Variants in SLC29A2 observed in about 807,000 individuals in gnomAD.
SLC29A2 encodes equilibrative nucleoside transporter 2.
In SLC29A2, 37 loss-of-function variants were observed where a neutral mutation model predicts 48.8. The ratio of observed to expected loss-of-function variants is 0.76; its 90% CI spans 0.58 to 1.00. SLC29A2 has a LOEUF of 1.00. Ranked by LOEUF, SLC29A2 falls within the 50% of genes least tolerant of loss-of-function variation. SLC29A2 has a pLI of 0.00. For synonymous variants in SLC29A2, 233 were observed against 261.7 expected (o/e 0.89, Z 1.06); for missense variants, 533 against 578.6 (o/e 0.92, Z 0.81).
chr11:66,365,509 T>G (rs1855634636), intron 10 of SLC29A2, among the ~76,000 whole-genome samples: 1 of 152,260 alleles, frequency 6.6e-6, no homozygotes, highest in Non-Finnish European at 1.5e-5. Context: ...TGAGTGGGAT[T>G]GGAAGCTGTA....
chr11:66,366,791 A>G (rs1855724449), intron 7 of SLC29A2, among the ~76,000 whole-genome samples: 1 of 152,162 alleles, frequency 6.6e-6, no homozygotes, highest in South Asian at 2.1e-4. Context: ...TTCTACAAAA[A>G]TAAAAAAATT....
intron 6 of SLC29A2, 59 bp from the exon 7 acceptor site, chr11:66,367,607 TC>T: frequency 2.5e-6 from 4 of 1,576,892 alleles, no homozygotes; most frequent in South Asian, 1.1e-5. Context: ...TCTGGATCCC[TC>T]CCCATACCAT....
chr11:66,367,917 C>T lies in SLC29A2; in HGVS notation c.551-48G>A, dbSNP rs1351765411. On this transcript the variant is annotated intron_variant, in intron 5 of 11. Transcript: ENST00000357440. ...GAAGAGAGGCACCTGGTCCCGCCGG[C>T]TCCCACGGGGCTTCCAACTCTTGTC... is the stretch of plus-strand genomic sequence containing the variant. 34 of 1,493,874 alleles carry T rather than the reference C, an allele frequency of 2.3e-5. 1 individual carries two copies. Among genetic ancestry groups the T allele is most frequent in the Non-Finnish European group, 2.8e-5 (30 of 1,080,024 alleles). The allele number at this position is 1,493,874 out of a possible 1,614,324, so 92.5% of individuals were successfully genotyped here.
chr11:66,368,390 C>G, intron 5 of SLC29A2, 147 bp downstream of exon 5: 1 of 1,080,192 alleles, frequency 9.3e-7, no homozygotes, highest in African/African-American at 1.5e-5. Flanking sequence ...GAGCCCCACT[C>G]CCTAGCCCCA....
Position 66,364,310 on chromosome 11 carries a change from G to C in SLC29A2, c.1174C>G (p.Gln392Glu). The C allele has an allele frequency of 2.5e-6, 4 of 1,613,974 alleles. No individual in the cohort carries two copies. Among genetic ancestry groups the C allele is most frequent in the Non-Finnish European group, 3.4e-6 (4 of 1,179,910 alleles). The change falls in exon 11 of 12, where the codon CAG (glutamine) becomes GAG (glutamate). Residue 392 changes from glutamine (Q) to glutamate (E), a missense_variant. Gln to Glu is a conservative substitution (Grantham distance 29). Transcript: ENST00000357440. ...ATGAAGGTGATGAAGTAGGCATCCT[G>C]TGGGAAGAGGATGGGCAGCCGGGAC... ...QRSRLPILFP[Q>E]DAYFITFMLL...
intron 5 of SLC29A2, 76 bp downstream of exon 5, chr11:66,368,461 C>G (rs1272343485): frequency 6.3e-7 from 1 of 1,584,370 alleles, no homozygotes; most frequent in Admixed American, 1.7e-5. Context: ...ACCCATGTGT[C>G]TTGCTCTCAC....
intron 11 of SLC29A2, 94 bp from the exon 12 acceptor site, chr11:66,363,641 C>T: frequency 1.1e-6 from 1 of 894,700 alleles, no homozygotes; most frequent in African/African-American, 1.7e-5. Context: ...TGGGCTCTGA[C>T]CCAACCCCTC....
chr11:66,368,197 A>G (rs1487870913), intron 5 of SLC29A2, among the ~76,000 whole-genome samples: 3 of 152,174 alleles, frequency 2.0e-5, no homozygotes, highest in Non-Finnish European at 4.4e-5. Context: ...GCCTTGTCCA[A>G]CACCCCTAGC....
In SLC29A2 at chr11:66,369,118, C is replaced by T; in HGVS notation, c.357G>A (p.Val119=). The change falls in exon 4 of 12, where the codon GTG becomes GTA. Residue 119 remains valine (V), a synonymous_variant. Coordinates refer to ENST00000357440, the MANE Select transcript of SLC29A2 (RefSeq NM_001532.3). ...AGAAGAAGGGTCCGGGGCTCATGTC[C>T]ACCTTGACCAGCGCTGCTGTCAGGG... ...LFALTAALVK[V]DMSPGPFFSI... 6.3e-7 allele frequency: 1 copy of T among 1,592,678 alleles called. No individual in the cohort carries two copies. Among genetic ancestry groups the T allele is most frequent in the Non-Finnish European group, 8.5e-7 (1 of 1,169,832 alleles).
intron 5 of SLC29A2, among the ~76,000 whole-genome samples, 170 bp from the exon 6 acceptor site, chr11:66,368,039 C>T (rs1258668201): frequency 6.6e-6 from 1 of 152,194 alleles, no homozygotes; most frequent in African/African-American, 2.4e-5. Flanking sequence ...CCAGAGCAGC[C>T]CTGCACTTCT....
At chr11:66,371,933 C>G (rs1176380917), upstream of SLC29A2, 4 of 393,478 alleles carry the variant, frequency 1.0e-5, no homozygotes, top group Middle Eastern at 6.9e-4. Flanking sequence ...CGCAGCCCCC[C>G]GTCCTCTCCG....
upstream of SLC29A2, chr11:66,372,039 G>C (rs1434429864): frequency 5.0e-6 from 1 of 200,694 alleles, no homozygotes; most frequent in Non-Finnish European, 1.0e-5. Flanking sequence ...CTCTGTAGGG[G>C]CAGCACTGGT....
rs755608342 is a variant in SLC29A2 at position 66,367,759 on chromosome 11, A to G, written c.648+13T>C. 2 of 1,611,302 alleles carry G rather than the reference A, an allele frequency of 1.2e-6. No homozygotes were observed. Among genetic ancestry groups the G allele is most frequent in the Admixed American group, 3.3e-5 (2 of 59,994 alleles). ...GCTTTGAGGTGGGGCCTCGAGCCCA[A>G]CAGCAGGCTCACCAGGTGAGGCAGG... On this transcript the variant is annotated intron_variant, in intron 6 of 11. Transcript: ENST00000357440.
In SLC29A2 at chr11:66,371,755, T is replaced by A. The variant is rs1262560126; in HGVS notation, c.-164A>T. On this transcript the variant is annotated 5_prime_UTR_variant, in exon 1 of 12. Coordinates refer to ENST00000357440, the MANE Select transcript of SLC29A2 (RefSeq NM_001532.3). ...AGGTAGCCTCGGGCGGATTTCGGCG[T>A]GTCTCGCGCTCCGCAGGCTGGGACC... 2 of 656,846 alleles carry A rather than the reference T, an allele frequency of 3.0e-6. No homozygotes were observed. The highest frequency in any genetic ancestry group is 5.1e-6 in the Non-Finnish European group (2 of 391,848). 40.7% of individuals were successfully genotyped at this position (656,846 alleles called of 1,614,324 possible).
rs1399425566 is a variant in SLC29A2, at chr11:66,365,813, T to C, written c.1059+123A>G. 3.3e-6 allele frequency: 3 copies of C among 917,370 alleles called. No individual in the cohort carries two copies. The African/African-American group carries it at 4.9e-5, about 15-fold the overall frequency. The allele number at this position is 917,370 out of a possible 1,614,324, so 56.8% of individuals were successfully genotyped here. On this transcript the variant is annotated intron_variant, in intron 10 of 11. Transcript: ENST00000357440. ...CCAGGGCCCAAGTGCTCCCTGCTGC[T>C]TGGCCAGTGGTTGCATTACCAGGCC... is the stretch of plus-strand genomic sequence containing the variant.
intron 1 of SLC29A2, 103 bp from the exon 2 acceptor site, chr11:66,371,428 C>A (rs998490239): frequency 7.3e-6 from 11 of 1,509,056 alleles, no homozygotes; most frequent in African/African-American, 1.4e-5. Context: ...ACCCCGATCA[C>A]CCCGGTTCCG....
upstream of SLC29A2, among the ~76,000 whole-genome samples, chr11:66,372,441 C>T (rs1030934787): frequency 4.2e-4 from 64 of 152,216 alleles, no homozygotes; most frequent in Non-Finnish European, 1.5e-5. Flanking sequence ...CTCCAAAACA[C>T]AAACTAGTTT....
chr11:66,369,042 G>T lies in SLC29A2; in HGVS notation c.415+18C>A, dbSNP rs373818247. The T allele has an allele frequency of 5.0e-6, 8 of 1,594,294 alleles. No individual in the cohort carries two copies. Among genetic ancestry groups the T allele is most frequent in the East Asian group, 2.3e-5 (1 of 43,794 alleles). On this transcript the variant is annotated intron_variant, in intron 4 of 11. Transcript: ENST00000357440. ...AAGCCCTGCATAGGCTGGCTGGAGA[G>T]GGGGTGGAGGTGCTCACAGTTGATG... is the stretch of plus-strand genomic sequence containing the variant.
At position 66,366,117 on chromosome 11, in the gene SLC29A2, G is replaced by C; in HGVS notation, c.973+9C>G. 1 of 1,612,376 alleles carries C rather than the reference G, an allele frequency of 6.2e-7. No homozygotes were observed. The highest frequency in any genetic ancestry group is 8.5e-7 in the Non-Finnish European group (1 of 1,178,626). On this transcript the variant is annotated intron_variant, in intron 9 of 11. Transcript: ENST00000357440. ...CCTGCCCTGCCGTCTTCTCCACCCT[G>C]ACACTCACTCCACTTCCCAGGACTG... is the stretch of plus-strand genomic sequence containing the variant.
Sources: gnomAD v4.1 joint callset for allele counts (sites outside exome capture counted in the v4.1 genomes callset) on GRCh38, gnomAD v4.1.1 for gene constraint, MANE v1.5 for transcripts, NCBI Gene and HGNC (gene_info 2026-07-23, HGNC 2026-07-21) for gene names.